The following CNTNAP5 variants were observed in gnomAD, a reference collection of about 807,000 sequenced individuals.
CNTNAP5 encodes contactin-associated protein-like 5.
CNTNAP5 carries 72 observed loss-of-function variants against 150.2 expected under a neutral mutation model. The observed-to-expected ratio is 0.48, with a 90% confidence interval of 0.40 to 0.58. The LOEUF is 0.58. Among genes scored for constraint, CNTNAP5 ranks in the 20% least tolerant of loss-of-function variants. The pLI, the probability that CNTNAP5 is intolerant of heterozygous loss-of-function variation, is 0.00. For synonymous variants in CNTNAP5, 672 were observed against 619.8 expected (o/e 1.08, Z -1.25); for missense variants, 1,636 against 1,626.2 (o/e 1.01, Z -0.10).
chr2:124,745,691 ACT>A (rs1277166138), intron 13 of CNTNAP5, among the ~76,000 whole-genome samples: 1 of 152,092 alleles, frequency 6.6e-6, no homozygotes, highest in Non-Finnish European at 1.5e-5. Context: ...TCCAATTGAA[ACT>A]CTAGCTTTAA....
At chr2:124,799,118 A>T (rs776705099) in intron 19 of CNTNAP5, among the ~76,000 whole-genome samples, 7 of 152,180 alleles carry the variant, frequency 4.6e-5, no homozygotes, top group Non-Finnish European at 8.8e-5. Flanking sequence ...TGAGGAAGGG[A>T]TCATTTTTCA....
At position 124,508,999 on chromosome 2, in the gene CNTNAP5, C is replaced by T. The variant is rs993613761; in HGVS notation, c.1327+4443C>T. ...TGTTCCAATAATTTTTGAGAGTCAACGGGGCTATACTTGATGCTTGGTATG... is the reference window on the plus strand; with the variant it reads ...TGTTCCAATAATTTTTGAGAGTCAATGGGGCTATACTTGATGCTTGGTATG... On this transcript the variant is annotated intron_variant, in intron 8 of 23. Coordinates refer to ENST00000682447, the MANE Select transcript of CNTNAP5 (RefSeq NM_001367498.1). 7.9e-5 allele frequency among the ~76,000 whole-genome samples: 12 copies of T among 152,050 alleles called. No homozygotes were observed. In the East Asian group the frequency reaches 1.5e-3, roughly 20 times the overall value.
At chr2:124,599,013 G>A (rs976167466) in intron 11 of CNTNAP5, among the ~76,000 whole-genome samples, 8 of 152,064 alleles carry the variant, frequency 5.3e-5, no homozygotes, top group African/African-American at 1.9e-4. Flanking sequence ...CACGCACGGT[G>A]CGCACACCCA....
chr2:124,805,716 T>C (rs961118877), intron 19 of CNTNAP5, among the ~76,000 whole-genome samples: 5 of 152,162 alleles, frequency 3.3e-5, no homozygotes, highest in African/African-American at 7.2e-5. Flanking sequence ...ACAACAACAA[T>C]TTATTTTCTA....
At position 124,050,235 on chromosome 2, in the gene CNTNAP5, G is replaced by T. The variant is rs374799187; in HGVS notation, c.82+24503G>T. On this transcript the variant is annotated intron_variant, in intron 1 of 23. Coordinates refer to ENST00000682447, the MANE Select transcript of CNTNAP5 (RefSeq NM_001367498.1). ...CCCAGTAATTTGGGAGGCCAAGGCA[G>T]GTGGCCTCACTTGAGCCCAGGAGTT... Among the ~76,000 whole-genome samples, 41 of 152,268 alleles carry T rather than the reference G, an allele frequency of 2.7e-4. No individual in the cohort carries two copies. The South Asian group carries it at 8.1e-3, about 30-fold the overall frequency.
At chr2:124,291,365 A>G (rs1485190512) in intron 3 of CNTNAP5, among the ~76,000 whole-genome samples, 1 of 152,104 alleles carries the variant, frequency 6.6e-6, no homozygotes, top group Non-Finnish European at 1.5e-5. Context: ...TCTTCATTCT[A>G]TAATGAAAGA....
intron 1 of CNTNAP5, among the ~76,000 whole-genome samples, chr2:124,079,470 A>G (rs1361140247): frequency 6.6e-6 from 1 of 151,714 alleles, no homozygotes; most frequent in Non-Finnish European, 1.5e-5. Flanking sequence ...CAGTGTTCAG[A>G]CATAAGGGCT....
chr2:124,674,059 A>G (rs1678876894), intron 13 of CNTNAP5, among the ~76,000 whole-genome samples: 1 of 152,104 alleles, frequency 6.6e-6, no homozygotes, highest in Non-Finnish European at 1.5e-5. Flanking sequence ...CAAACCCAGC[A>G]GTGATATATC....
At chr2:124,368,172 A>T (rs543822532) in intron 3 of CNTNAP5, among the ~76,000 whole-genome samples, 1 of 152,218 alleles carries the variant, frequency 6.6e-6, no homozygotes, top group Non-Finnish European at 1.5e-5. Flanking sequence ...GATTAGTGCA[A>T]TCCTGATATT....
intron 17 of CNTNAP5, among the ~76,000 whole-genome samples, chr2:124,783,341 C>T (rs1189248713): frequency 1.3e-5 from 2 of 152,066 alleles, no homozygotes; most frequent in Non-Finnish European, 2.9e-5. Flanking sequence ...ATAAGTAGTT[C>T]CCCATATAGA....
At chr2:124,776,572 G>A in intron 17 of CNTNAP5, among the ~76,000 whole-genome samples, 1 of 152,228 alleles carries the variant, frequency 6.6e-6, no homozygotes, top group Non-Finnish European at 1.5e-5. Context: ...GTGGCATAAT[G>A]CAACACTTAG....
intron 3 of CNTNAP5, among the ~76,000 whole-genome samples, chr2:124,402,196 G>C (rs1691442133): frequency 6.6e-6 from 1 of 152,142 alleles, no homozygotes; most frequent in African/African-American, 2.4e-5. Context: ...ATGAATGACA[G>C]TGAAGGCCAG....
chr2:124,825,011 A>G (rs7563376), intron 19 of CNTNAP5, among the ~76,000 whole-genome samples: 2,741 of 152,294 alleles, frequency 0.018, 85 homozygotes, highest in African/African-American at 0.061. Context: ...CATATTACAA[A>G]TATTTCAACT....
intron 3 of CNTNAP5, among the ~76,000 whole-genome samples, chr2:124,318,192 T>C (rs1216047958): frequency 3.3e-5 from 5 of 152,178 alleles, no homozygotes; most frequent in African/African-American, 1.2e-4. Context: ...GCAGAGCATT[T>C]GACAGGGATG....
chr2:124,855,892 G>T (rs986942269), intron 19 of CNTNAP5, among the ~76,000 whole-genome samples: 4 of 152,032 alleles, frequency 2.6e-5, no homozygotes, highest in African/African-American at 9.7e-5. Flanking sequence ...AGTCCCCAAA[G>T]TCCATTGTAT....
intron 3 of CNTNAP5, among the ~76,000 whole-genome samples, chr2:124,417,180 C>A (rs116676266): frequency 0.013 from 2,005 of 151,980 alleles, 38 homozygotes; most frequent in African/African-American, 0.045. Context: ...CCTCATGACC[C>A]GCTTGCCTCA....
At chr2:124,902,823 C>A in intron 21 of CNTNAP5, 59 bp from the exon 22 acceptor site, 3 of 1,191,128 alleles carry the variant, frequency 2.5e-6, no homozygotes, top group African/African-American at 1.5e-5. Context: ...GAGGACCCAG[C>A]ATATAATTTG....
At chr2:124,464,591 A>C (rs1230459932) in intron 6 of CNTNAP5, among the ~76,000 whole-genome samples, 4 of 152,198 alleles carry the variant, frequency 2.6e-5, no homozygotes, top group Non-Finnish European at 4.4e-5. Flanking sequence ...TCAAACAGTA[A>C]AACATAAGTT....
chr2:124,342,584 C>A (rs1006517452), intron 3 of CNTNAP5, among the ~76,000 whole-genome samples: 5 of 152,050 alleles, frequency 3.3e-5, no homozygotes, highest in African/African-American at 1.2e-4. Flanking sequence ...TCCAATTGTG[C>A]CTTATTAGAA....
Sources: gnomAD v4.1 joint callset for allele counts (sites outside exome capture counted in the v4.1 genomes callset) on GRCh38, gnomAD v4.1.1 for gene constraint, MANE v1.5 for transcripts, NCBI Gene and HGNC (gene_info 2026-07-23, HGNC 2026-07-21) for gene names.